Variants in LIN28B observed in about 807,000 individuals in gnomAD.
The protein encoded by LIN28B is protein lin-28 homolog B.
A neutral mutation model predicts 21.9 loss-of-function variants in LIN28B; 5 were observed. That is an observed-to-expected ratio of 0.23 (90% CI 0.12 to 0.48). The LOEUF is 0.48. Ranked by LOEUF, LIN28B falls within the 20% of genes least tolerant of loss-of-function variation. The pLI is 0.98. For missense variants in LIN28B, 245 were observed against 310.5 expected, an observed-to-expected ratio of 0.79 and a Z score of 1.58; for synonymous variants, 109 against 111.3, an observed-to-expected ratio of 0.98 and a Z score of 0.13.
chr6:104,972,160 C>T (rs186650970), intron 2 of LIN28B, among the ~76,000 whole-genome samples: 83 of 152,100 alleles, frequency 5.5e-4, no homozygotes, highest in African/African-American at 1.9e-3. Flanking sequence ...TTAGTAGAGA[C>T]GGGATTTCAC....
In LIN28B at chr6:105,080,082, A is replaced by C. The variant is rs1047575872; in HGVS notation, c.*1299A>C. The C allele has an allele frequency of 6.6e-6, 1 of 152,296 alleles. No individual in the cohort carries two copies. Among genetic ancestry groups the C allele is most frequent in the African/African-American group, 2.4e-5 (1 of 41,436 alleles). The allele number at this position is 152,296 out of a possible 1,614,324, so 9.4% of individuals were successfully genotyped here. ...GACCTTCAATGCTTATTCTGAAGTA[A>C]CCTATATGGTGGATACAGGATGAAC... On this transcript the variant is annotated 3_prime_UTR_variant, in exon 4 of 4. Coordinates refer to ENST00000345080, the MANE Select transcript of LIN28B (RefSeq NM_001004317.4).
intron 3 of LIN28B, among the ~76,000 whole-genome samples, chr6:105,054,767 C>A (rs186266898): frequency 1.8e-4 from 28 of 152,252 alleles, no homozygotes; most frequent in Admixed American, 1.6e-3. Context: ...TTTGGGGTGC[C>A]CCCCATGGGG....
chr6:105,021,649 C>T (rs1368427547), intron 2 of LIN28B, among the ~76,000 whole-genome samples: 1 of 152,052 alleles, frequency 6.6e-6, no homozygotes, highest in African/African-American at 2.4e-5. Context: ...GTCTTATTTG[C>T]AAAATGTCTA....
intron 3 of LIN28B, among the ~76,000 whole-genome samples, chr6:105,033,419 T>A (rs1382439928): frequency 6.6e-6 from 1 of 152,178 alleles, no homozygotes; most frequent in East Asian, 1.9e-4. Context: ...GTAAAATAAT[T>A]TTGAAGATTC....
intron 3 of LIN28B, among the ~76,000 whole-genome samples, chr6:105,076,136 T>C (rs1308718194): frequency 1.3e-5 from 2 of 152,194 alleles, no homozygotes; most frequent in Non-Finnish European, 2.9e-5. Context: ...TCTTAGAACA[T>C]ATGGCTGAAA....
At chr6:105,039,609 A>T (rs973122900) in intron 3 of LIN28B, among the ~76,000 whole-genome samples, 3 of 152,196 alleles carry the variant, frequency 2.0e-5, no homozygotes, top group Non-Finnish European at 4.4e-5. Flanking sequence ...TAAATTCATG[A>T]GAGTACTTAC....
At chr6:105,028,630 A>ATT (rs1359292503) in intron 3 of LIN28B, among the ~76,000 whole-genome samples, 2 of 152,174 alleles carry the variant, frequency 1.3e-5, no homozygotes, top group Non-Finnish European at 2.9e-5. Context: ...TGAAGGGACT[A>ATT]TTTATCAAGA....
chr6:104,950,890 C>T (rs764391855), intron 3 of LIN28B, among the ~76,000 whole-genome samples: 1 of 152,082 alleles, frequency 6.6e-6, no homozygotes, highest in Non-Finnish European at 1.5e-5. Flanking sequence ...TATGCACTAA[C>T]GAATATCTGC....
chr6:104,957,338 T>A, intron 1 of LIN28B, 78 bp downstream of exon 1: 1 of 763,314 alleles, frequency 1.3e-6, no homozygotes, highest in Non-Finnish European at 1.9e-6. Context: ...CCACCCTTCT[T>A]AGACCGTCCC....
At chr6:104,979,506 C>G (rs1307950314) in intron 2 of LIN28B, among the ~76,000 whole-genome samples, 1 of 151,922 alleles carries the variant, frequency 6.6e-6, no homozygotes. Context: ...CCGTGCCCAG[C>G]CAAAGATGAT....
chr6:104,989,973 A>C (rs967061854), intron 2 of LIN28B, among the ~76,000 whole-genome samples: 1 of 152,144 alleles, frequency 6.6e-6, no homozygotes, highest in Non-Finnish European at 1.5e-5. Flanking sequence ...TTTCCATCGG[A>C]GACTACTTTA....
chr6:104,977,797 A>T (rs949352961), intron 2 of LIN28B, among the ~76,000 whole-genome samples: 2 of 152,002 alleles, frequency 1.3e-5, no homozygotes, highest in Non-Finnish European at 1.5e-5. Context: ...TGAACTCCTG[A>T]CCTCATGATA....
At chr6:104,995,743 G>T (rs1770584914) in intron 2 of LIN28B, among the ~76,000 whole-genome samples, 1 of 152,014 alleles carries the variant, frequency 6.6e-6, no homozygotes, top group Non-Finnish European at 1.5e-5. Context: ...AAATATATAT[G>T]TGCGTTTAAT....
At chr6:104,960,225 C>T (rs1562072269) in intron 2 of LIN28B, among the ~76,000 whole-genome samples, 1 of 151,958 alleles carries the variant, frequency 6.6e-6, no homozygotes, top group Non-Finnish European at 1.5e-5. Context: ...TTGTAATATA[C>T]ATAAATTGTA....
intron 2 of LIN28B, among the ~76,000 whole-genome samples, chr6:104,975,192 A>G (rs1383499090): frequency 6.6e-6 from 1 of 152,182 alleles, no homozygotes; most frequent in African/African-American, 2.4e-5. Flanking sequence ...AGTAGATTTA[A>G]GGTAATATAA....
At chr6:105,065,638 A>G (rs1300913590) in intron 3 of LIN28B, among the ~76,000 whole-genome samples, 1 of 152,202 alleles carries the variant, frequency 6.6e-6, no homozygotes. Context: ...CTTGAGCAAA[A>G]TGGTTTTAAT....
intron 3 of LIN28B, among the ~76,000 whole-genome samples, chr6:105,049,946 T>C (rs997961161): frequency 3.9e-5 from 6 of 152,230 alleles, no homozygotes; most frequent in African/African-American, 1.4e-4. Flanking sequence ...GGGTCTTGAC[T>C]TTTTATCCAA....
rs1422339106 is a variant in LIN28B at position 105,078,517 on chromosome 6, A to C, written c.487A>C (p.Asn163His). Residue 163 changes from asparagine to histidine, a missense_variant, in exon 4 of 4, where the codon AAC becomes CAC. By Grantham distance (68) the Asn-to-His change is moderately conservative. Transcript: ENST00000345080. The part of the protein sequence containing the change: ...YCQSIMHMVA[N>H]CPHKNVAQPP... Reference sequence around the variant, plus strand: ...TCAGAGCATCATGCACATGGTGGCAAACTGCCCACATAAAAATGTTGCACA... The same window carrying C: ...TCAGAGCATCATGCACATGGTGGCACACTGCCCACATAAAAATGTTGCACA... The C allele has an allele frequency of 6.2e-7, 1 of 1,614,156 alleles. No homozygotes were observed.
chr6:105,016,928 C>T (rs1236416849), intron 2 of LIN28B, among the ~76,000 whole-genome samples: 1 of 151,492 alleles, frequency 6.6e-6, no homozygotes, highest in Non-Finnish European at 1.5e-5. Context: ...AAAAAAACAG[C>T]TGGGTGTGGT....
Sources: allele counts gnomAD v4.1 joint callset (sites outside exome capture counted in the v4.1 genomes callset), GRCh38; gene constraint gnomAD v4.1.1; transcripts MANE v1.5; gene names NCBI Gene and HGNC (gene_info 2026-07-23, HGNC 2026-07-21).